CAMTA1: variants seen among roughly 807,000 people sequenced by gnomAD.
The protein encoded by CAMTA1 is calmodulin binding transcription activator 1.
Under a neutral mutation model 170.9 loss-of-function variants are expected in CAMTA1, and 27 were observed. The ratio of observed to expected loss-of-function variants is 0.16; its 90% CI spans 0.12 to 0.22. CAMTA1 has a LOEUF of 0.22. Ranked by LOEUF, CAMTA1 falls within the 10% of genes least tolerant of loss-of-function variation. The pLI is 1.00. For missense variants in CAMTA1, 1,619 were observed against 2,217.2 expected, an observed-to-expected ratio of 0.73 and a Z score of 5.42; for synonymous variants, 833 against 891.5, an observed-to-expected ratio of 0.93 and a Z score of 1.17.
In CAMTA1 at chr1:7,053,374, C is replaced by T. The variant is rs560887055; in HGVS notation, c.235-37930C>T. Among the ~76,000 whole-genome samples the T allele has an allele frequency of 9.2e-5, 14 of 152,326 alleles. No individual in the cohort carries two copies. The South Asian group carries it at 1.0e-3, about 11-fold the overall frequency. On this transcript the variant is annotated intron_variant, in intron 3 of 22. Transcript: ENST00000303635. ...CATTAGTTCCGCTGTCTTCTCGCGG[C>T]GAGGTGTGATGCGGGAGCGTGGCAG...
At chr1:7,270,779 G>A (rs967087215) in intron 5 of CAMTA1, among the ~76,000 whole-genome samples, 1 of 152,176 alleles carries the variant, frequency 6.6e-6, no homozygotes, top group African/African-American at 2.4e-5. Flanking sequence ...CCAAAAGTGT[G>A]AGGACAGCCT....
intron 1 of CAMTA1, among the ~76,000 whole-genome samples, chr1:6,786,564 G>A (rs1314308971): frequency 6.6e-6 from 1 of 152,174 alleles, no homozygotes; most frequent in Non-Finnish European, 1.5e-5. Flanking sequence ...GTGGATAGTG[G>A]GGGCTTGTGC....
At chr1:7,761,220 A>C (rs2096973050) in intron 22 of CAMTA1, among the ~76,000 whole-genome samples, 2 of 152,176 alleles carry the variant, frequency 1.3e-5, no homozygotes, top group African/African-American at 4.8e-5. Flanking sequence ...CAGTCTTGCT[A>C]TTCTAATTAC....
rs911778352 is a variant in CAMTA1 at position 7,455,805 on chromosome 1, A to G, written c.439-12025A>G. On this transcript the variant is annotated intron_variant, in intron 5 of 22. Coordinates refer to ENST00000303635, the MANE Select transcript of CAMTA1 (RefSeq NM_015215.4). This position sits in a 1 kb window ranked among gnomAD's most constrained non-coding sequence, Gnocchi z 5.0. ...AGAGAGCCACTGATTTCTGGGCAGC[A>G]CTTGGCCCTCCGTGCCGTCCAGAAT... is the stretch of plus-strand genomic sequence containing the variant. Among the ~76,000 whole-genome samples, 1 of 152,222 alleles carries G rather than the reference A, an allele frequency of 6.6e-6. No homozygotes were observed. The highest frequency in any genetic ancestry group is 1.5e-5 in the Non-Finnish European group (1 of 68,048).
At chr1:7,537,338 C>T (rs1288702357) in intron 6 of CAMTA1, among the ~76,000 whole-genome samples, 1 of 152,234 alleles carries the variant, frequency 6.6e-6, no homozygotes, top group African/African-American at 2.4e-5. Flanking sequence ...GCCTCCCCCA[C>T]ACCATGAAGG....
At chr1:7,337,985 G>A (rs954538113) in intron 5 of CAMTA1, among the ~76,000 whole-genome samples, 5 of 143,040 alleles carry the variant, frequency 3.5e-5, no homozygotes, top group African/African-American at 1.4e-4. Flanking sequence ...TATTATATGT[G>A]TATATATACT....
At chr1:6,944,843 A>AT (rs1428735693) in intron 3 of CAMTA1, among the ~76,000 whole-genome samples, 3 of 152,110 alleles carry the variant, frequency 2.0e-5, no homozygotes, top group South Asian at 2.1e-4. Flanking sequence ...TTGAATTTTG[A>AT]TTTTTTCCCA....
intron 5 of CAMTA1, among the ~76,000 whole-genome samples, chr1:7,283,880 T>G (rs1348301921): frequency 6.6e-6 from 1 of 152,176 alleles, no homozygotes; most frequent in East Asian, 1.9e-4. Flanking sequence ...CTGAGGGGTC[T>G]TTCCACAGTG....
intron 3 of CAMTA1, among the ~76,000 whole-genome samples, chr1:6,892,125 T>C (rs755869724): frequency 7.2e-5 from 11 of 152,374 alleles, no homozygotes; most frequent in Middle Eastern, 3.4e-3. Context: ...TATGCATTCA[T>C]ATACATAATC....
chr1:7,470,238 G>A (rs1264099270), intron 6 of CAMTA1, among the ~76,000 whole-genome samples: 1 of 152,256 alleles, frequency 6.6e-6, no homozygotes, highest in African/African-American at 2.4e-5. Flanking sequence ...CGGGGCAACA[G>A]CAGGTTAAGG....
At chr1:7,193,659 G>A (rs1185875034) in intron 4 of CAMTA1, among the ~76,000 whole-genome samples, 2 of 152,094 alleles carry the variant, frequency 1.3e-5, no homozygotes, top group African/African-American at 4.8e-5. Context: ...AAGGGGGTGC[G>A]GAAGCTTGAG....
intron 5 of CAMTA1, among the ~76,000 whole-genome samples, chr1:7,336,990 C>T (rs572676551): frequency 5.3e-5 from 8 of 152,348 alleles, no homozygotes; most frequent in Non-Finnish European, 1.2e-4. Context: ...GTGGCAGGTC[C>T]AGAAGCCTTT....
intron 6 of CAMTA1, among the ~76,000 whole-genome samples, chr1:7,629,505 C>A (rs2095654758): frequency 6.6e-6 from 1 of 152,226 alleles, no homozygotes; most frequent in South Asian, 2.1e-4. Flanking sequence ...TTTGATTGTG[C>A]TAAAATTACC....
chr1:7,524,539 C>T (rs2094407691), intron 6 of CAMTA1, among the ~76,000 whole-genome samples: 1 of 152,166 alleles, frequency 6.6e-6, no homozygotes, highest in Admixed American at 6.5e-5. Context: ...AAGCAGACAT[C>T]CTTGCCCCAT....
intron 3 of CAMTA1, among the ~76,000 whole-genome samples, chr1:6,954,089 C>A (rs1462817510): frequency 1.3e-5 from 2 of 152,222 alleles, no homozygotes; most frequent in African/African-American, 4.8e-5. Context: ...CCATTTGGGA[C>A]TTGTCCTTTT....
chr1:7,085,198 C>T (rs1385525795), intron 3 of CAMTA1, among the ~76,000 whole-genome samples: 1 of 152,172 alleles, frequency 6.6e-6, no homozygotes, highest in Non-Finnish European at 1.5e-5. Flanking sequence ...TTGGACAGTG[C>T]AACTCTGGCA....
intron 4 of CAMTA1, among the ~76,000 whole-genome samples, chr1:7,229,755 T>C: frequency 6.6e-6 from 1 of 152,010 alleles, no homozygotes; most frequent in African/African-American, 2.4e-5. Flanking sequence ...AGAACTCAAT[T>C]CTTCAATGGC....
rs1186253302 is a variant in CAMTA1 at position 7,732,419 on chromosome 1, A to G, written c.2915-29A>G. ...TTGACTGCTTTTCTTCCAGAACACA[A>G]CCTCACTCTTCCTCCTGCTCTGCCC... On this transcript the variant is annotated intron_variant, in intron 11 of 22. Transcript: ENST00000303635. The surrounding 1 kb of genome is among the most constrained non-coding windows in gnomAD (Gnocchi z 4.1). 1.3e-5 allele frequency: 21 copies of G among 1,602,968 alleles called. No homozygotes were observed. The highest frequency in any genetic ancestry group is 1.8e-5 in the Non-Finnish European group (21 of 1,170,414).
At chr1:7,394,811 TTGTGTGTGTGTGTGTG>T (rs61154098) in intron 5 of CAMTA1, among the ~76,000 whole-genome samples, 1 of 147,456 alleles carries the variant, frequency 6.8e-6, no homozygotes, top group Admixed American at 6.8e-5. Flanking sequence ...TTTCTTGTAG[TTGTGTGTGTGTGTGTG>T]TGTGTGTGTG....
Sources: allele counts gnomAD v4.1 joint callset (sites outside exome capture counted in the v4.1 genomes callset), GRCh38; gene constraint gnomAD v4.1.1; non-coding constraint Gnocchi (gnomAD v3.1); transcripts MANE v1.5; gene names NCBI Gene and HGNC (gene_info 2026-07-23, HGNC 2026-07-21).